The following SUGCT variants were observed in gnomAD, a reference collection of about 807,000 sequenced individuals.
SUGCT encodes the protein succinyl-CoA:glutarate-CoA transferase, also known as succinyl-CoA:glutarate CoA-transferase.
Under a neutral mutation model 55.0 loss-of-function variants are expected in SUGCT, and 41 were observed. That is an observed-to-expected ratio of 0.74 (90% CI 0.58 to 0.97). SUGCT has a LOEUF of 0.97. SUGCT is among the 50% of genes least tolerant of loss of function. SUGCT has a pLI of 0.00. For missense variants in SUGCT, 568 were observed against 547.8 expected, an observed-to-expected ratio of 1.04 and a Z score of -0.37; for synonymous variants, 187 against 200.4, an observed-to-expected ratio of 0.93 and a Z score of 0.56.
intron 9 of SUGCT, among the ~76,000 whole-genome samples, chr7:40,366,467 G>C (rs1358134122): frequency 6.6e-6 from 1 of 152,040 alleles, no homozygotes; most frequent in Non-Finnish European, 1.5e-5. Flanking sequence ...TACCATCAGA[G>C]TGAACAGGCA....
intron 12 of SUGCT, among the ~76,000 whole-genome samples, chr7:40,547,588 T>C (rs1291747571): frequency 6.6e-6 from 1 of 152,192 alleles, no homozygotes; most frequent in Non-Finnish European, 1.5e-5. Context: ...TAAGATTATC[T>C]TTCAGCTCTT....
intron 13 of SUGCT, among the ~76,000 whole-genome samples, chr7:40,812,472 T>C (rs528172430): frequency 6.6e-6 from 1 of 152,210 alleles, no homozygotes; most frequent in South Asian, 2.1e-4. Context: ...TTTCCAGAAA[T>C]TTATTCATTT....
chr7:40,624,772 A>AACACACACACACACACAC (rs71791486), intron 12 of SUGCT, among the ~76,000 whole-genome samples: 1 of 137,314 alleles, frequency 7.3e-6, no homozygotes, highest in African/African-American at 2.8e-5. Flanking sequence ...TTTCTGTGCA[A>AACACACACACACACACAC]ACACACACAC....
At chr7:40,648,395 C>T (rs1292382381) in intron 12 of SUGCT, among the ~76,000 whole-genome samples, 6 of 152,010 alleles carry the variant, frequency 3.9e-5, no homozygotes, top group Admixed American at 2.0e-4. Flanking sequence ...GGCCTGTTTC[C>T]TTATTGTCAT....
chr7:40,319,366 A>G (rs1795605236), intron 9 of SUGCT, among the ~76,000 whole-genome samples: 1 of 152,184 alleles, frequency 6.6e-6, no homozygotes. Context: ...TCTGTTTTCA[A>G]TTTTAAAAAT....
chr7:40,553,989 T>C (rs545052307), intron 12 of SUGCT, among the ~76,000 whole-genome samples: 1 of 152,210 alleles, frequency 6.6e-6, no homozygotes, highest in Non-Finnish European at 1.5e-5. Flanking sequence ...TTAGGAGGAT[T>C]AAATTAAAAA....
intron 7 of SUGCT, among the ~76,000 whole-genome samples, chr7:40,260,375 A>G (rs1249937865): frequency 2.0e-5 from 3 of 152,176 alleles, no homozygotes; most frequent in African/African-American, 7.2e-5. Flanking sequence ...TATTTGCTGT[A>G]TATGAATTTG....
chr7:40,321,423 C>A (rs1309371824), intron 9 of SUGCT, among the ~76,000 whole-genome samples: 1 of 149,518 alleles, frequency 6.7e-6, no homozygotes, highest in Non-Finnish European at 1.5e-5. Flanking sequence ...TGCTCTGTTG[C>A]CGAGGCTGGA....
At position 40,475,238 on chromosome 7, in the gene SUGCT, A is replaced by T. The variant is rs545937944; in HGVS notation, c.986+16040A>T. ...CTCTGCTAGCTTCTTGTTTTTCACG[A>T]ATCTGACCAACATGACATCATCCAA... On this transcript the variant is annotated intron_variant, in intron 11 of 13. Transcript: ENST00000335693. Among the ~76,000 whole-genome samples, 11 of 152,268 alleles carry T rather than the reference A, an allele frequency of 7.2e-5. 1 individual carries two copies. The South Asian group carries it at 2.3e-3, about 32-fold the overall frequency.
At chr7:40,925,570 T>C in the SUGCT span, among the ~76,000 whole-genome samples, 2 of 152,176 alleles carry the variant, frequency 1.3e-5, no homozygotes, top group African/African-American at 2.4e-5. Context: ...TAAAGCTCAA[T>C]AGGTGTTCTC....
chr7:40,174,109 G>A (rs143330984), intron 1 of SUGCT, among the ~76,000 whole-genome samples: 1,826 of 152,084 alleles, frequency 0.012, 28 homozygotes, highest in African/African-American at 0.043. Context: ...TGCAACCTCT[G>A]CTTCCTGGGT....
At chr7:40,774,940 G>A (rs895348558) in intron 13 of SUGCT, among the ~76,000 whole-genome samples, 9 of 152,154 alleles carry the variant, frequency 5.9e-5, no homozygotes, top group Non-Finnish European at 1.3e-4. Context: ...TGAAACAACA[G>A]TGACCAAAAA....
chr7:40,653,330 G>T (rs756432307), intron 12 of SUGCT, among the ~76,000 whole-genome samples: 3 of 152,128 alleles, frequency 2.0e-5, no homozygotes, highest in African/African-American at 4.8e-5. Flanking sequence ...TTGAATATGG[G>T]ATTAGTTCTT....
chr7:40,386,449 C>T (rs905536532), intron 9 of SUGCT, among the ~76,000 whole-genome samples: 1 of 151,970 alleles, frequency 6.6e-6, no homozygotes, highest in Non-Finnish European at 1.5e-5. Context: ...CAGGTAAGAC[C>T]CTTGAGTTTT....
chr7:40,603,077 A>G (rs1798367334), intron 12 of SUGCT, among the ~76,000 whole-genome samples: 1 of 152,214 alleles, frequency 6.6e-6, no homozygotes, highest in Non-Finnish European at 1.5e-5. Context: ...TGAATTAAAT[A>G]TATTCTTCAC....
the SUGCT span, among the ~76,000 whole-genome samples, chr7:41,004,161 G>T: frequency 2.6e-5 from 4 of 152,162 alleles, no homozygotes; most frequent in Non-Finnish European, 5.9e-5. Flanking sequence ...AAAGAGGAGG[G>T]AGAGGCAGAG....
chr7:40,285,994 A>T (rs1793312503), intron 8 of SUGCT, among the ~76,000 whole-genome samples: 1 of 152,150 alleles, frequency 6.6e-6, no homozygotes, highest in South Asian at 2.1e-4. Flanking sequence ...ATATATTTTC[A>T]CCTCCAAGGG....
chr7:40,291,397 T>C (rs1452904012), intron 8 of SUGCT, among the ~76,000 whole-genome samples: 3 of 148,742 alleles, frequency 2.0e-5, no homozygotes, highest in Non-Finnish European at 1.5e-5. Flanking sequence ...CAGCAAACTA[T>C]TGCAAGGACA....
At chr7:40,330,905 CAG>C (rs1246231663) in intron 9 of SUGCT, among the ~76,000 whole-genome samples, 2 of 152,008 alleles carry the variant, frequency 1.3e-5, no homozygotes, top group Non-Finnish European at 2.9e-5. Context: ...TGACCAGAAA[CAG>C]AATTAATTTT....
Sources: allele counts gnomAD v4.1 joint callset (sites outside exome capture counted in the v4.1 genomes callset), GRCh38; gene constraint gnomAD v4.1.1; transcripts MANE v1.5; gene names NCBI Gene and HGNC (gene_info 2026-07-23, HGNC 2026-07-21).